Variants in KCTD16 observed in about 807,000 individuals in gnomAD.
The protein encoded by KCTD16 is potassium channel tetramerization domain containing 16.
KCTD16 carries 13 observed loss-of-function variants against 33.2 expected under a neutral mutation model. The observed-to-expected ratio is 0.39, with a 90% CI of 0.25 to 0.62. The LOEUF (loss-of-function observed/expected upper bound fraction) is 0.62. Ranked by LOEUF, KCTD16 falls within the 20% of genes least tolerant of loss-of-function variation. KCTD16 has a pLI of 0.50. For missense variants in KCTD16, 441 were observed against 525.1 expected, an observed-to-expected ratio of 0.84 and a Z score of 1.57; for synonymous variants, 197 against 195.3, an observed-to-expected ratio of 1.01 and a Z score of -0.07.
chr5:144,349,146 T>C (rs533075543), intron 3 of KCTD16, among the ~76,000 whole-genome samples: 2 of 152,310 alleles, frequency 1.3e-5, no homozygotes, highest in Admixed American at 6.5e-5. Context: ...AAATGTTTTA[T>C]ACATCTCTCC....
At chr5:144,173,520 A>T (rs1403392104) in intron 1 of KCTD16, among the ~76,000 whole-genome samples, 1 of 152,148 alleles carries the variant, frequency 6.6e-6, no homozygotes, top group African/African-American at 2.4e-5. Flanking sequence ...ACTAATAGAT[A>T]CTAGGCTTAA....
intron 3 of KCTD16, among the ~76,000 whole-genome samples, chr5:144,342,527 G>A (rs1054222379): frequency 6.6e-6 from 1 of 152,158 alleles, no homozygotes; most frequent in African/African-American, 2.4e-5. Context: ...TCTGCACACA[G>A]GGACAATTTG....
intron 2 of KCTD16, among the ~76,000 whole-genome samples, chr5:144,186,695 T>C (rs762900565): frequency 1.3e-5 from 2 of 152,214 alleles, no homozygotes; most frequent in Non-Finnish European, 2.9e-5. Flanking sequence ...TCAAGGGCAA[T>C]ATACTCTATG....
At chr5:144,431,225 A>T (rs1753452409) in intron 3 of KCTD16, among the ~76,000 whole-genome samples, 1 of 152,190 alleles carries the variant, frequency 6.6e-6, no homozygotes, top group African/African-American at 2.4e-5. Flanking sequence ...ATATCCATTT[A>T]ACATGTTTAG....
chr5:144,441,301 G>A (rs1216347917), intron 3 of KCTD16, among the ~76,000 whole-genome samples: 1 of 151,966 alleles, frequency 6.6e-6, no homozygotes, highest in Admixed American at 6.6e-5. Context: ...TGTTGCTTGT[G>A]CTTTTAGTGC....
At chr5:144,241,143 G>A (rs970154887) in intron 3 of KCTD16, among the ~76,000 whole-genome samples, 2 of 152,124 alleles carry the variant, frequency 1.3e-5, no homozygotes, top group African/African-American at 4.8e-5. Context: ...CACTCGAAGT[G>A]TCTTGAGCTT....
intron 3 of KCTD16, among the ~76,000 whole-genome samples, chr5:144,463,455 A>G (rs578122366): frequency 8.2e-6 from 1 of 121,840 alleles, no homozygotes; most frequent in South Asian, 2.6e-4. Flanking sequence ...AGGCACTGTC[A>G]TCATGCTGTG....
intron 3 of KCTD16, among the ~76,000 whole-genome samples, chr5:144,226,722 G>A (rs563733425): frequency 1.3e-5 from 2 of 152,102 alleles, no homozygotes; most frequent in East Asian, 3.9e-4. Context: ...ACAGGCATGT[G>A]CCACCACACC....
At chr5:144,309,365 A>AT (rs567599397) in intron 3 of KCTD16, among the ~76,000 whole-genome samples, 12,386 of 140,390 alleles carry the variant, frequency 0.088, 1,407 homozygotes, top group African/African-American at 0.27. Flanking sequence ...TCTCCTCCAC[A>AT]TTTTTTTTTT....
intron 3 of KCTD16, among the ~76,000 whole-genome samples, chr5:144,278,591 G>A (rs1387624440): frequency 8.4e-5 from 12 of 142,714 alleles, no homozygotes; most frequent in African/African-American, 3.2e-4. Context: ...TCCGCTTCCC[G>A]GATTCACGCC....
At chr5:144,407,770 C>T (rs1166831991) in intron 3 of KCTD16, among the ~76,000 whole-genome samples, 1 of 152,106 alleles carries the variant, frequency 6.6e-6, no homozygotes, top group East Asian at 1.9e-4. Context: ...GTTCAACTCC[C>T]TCTTATGAGT....
intron 3 of KCTD16, among the ~76,000 whole-genome samples, chr5:144,352,992 A>T (rs761808671): frequency 1.3e-5 from 2 of 152,226 alleles, no homozygotes; most frequent in Non-Finnish European, 2.9e-5. Flanking sequence ...GCTTCTAAGA[A>T]GGTAACATGC....
At position 144,454,418 on chromosome 5, in the gene KCTD16, A is replaced by G. The variant is rs74561999; in HGVS notation, c.833-19242A>G. Among the ~76,000 whole-genome samples the G allele has an allele frequency of 4.7e-3, 722 of 152,090 alleles. 5 individuals carry two copies. Among genetic ancestry groups the G allele is most frequent in the African/African-American group, 0.017 (688 of 41,416 alleles). On this transcript the variant is annotated intron_variant, in intron 3 of 3. Coordinates refer to ENST00000512467, the MANE Select transcript of KCTD16 (RefSeq NM_020768.4). ...TGTTTGTTATTACCAAGACTACACC[A>G]TTTTCCACCCCTGATAATATATACA...
At chr5:144,413,509 G>A (rs1374606365) in intron 3 of KCTD16, among the ~76,000 whole-genome samples, 2 of 151,972 alleles carry the variant, frequency 1.3e-5, no homozygotes, top group East Asian at 1.9e-4. Context: ...GTTGACTTAG[G>A]GAAAAATGTT....
intron 3 of KCTD16, among the ~76,000 whole-genome samples, chr5:144,235,245 T>A (rs1265080958): frequency 6.6e-6 from 1 of 152,154 alleles, no homozygotes; most frequent in Non-Finnish European, 1.5e-5. Flanking sequence ...TAGAGATTGA[T>A]ACTCATTAAA....
chr5:144,401,741 A>C (rs1752708993), intron 3 of KCTD16, among the ~76,000 whole-genome samples: 1 of 152,252 alleles, frequency 6.6e-6, no homozygotes, highest in Non-Finnish European at 1.5e-5. Flanking sequence ...ATTTCTAGGC[A>C]GAATATCTTG....
intron 3 of KCTD16, among the ~76,000 whole-genome samples, chr5:144,443,394 T>C (rs1371059246): frequency 6.6e-6 from 1 of 152,152 alleles, no homozygotes; most frequent in Non-Finnish European, 1.5e-5. Context: ...TTTAATAATT[T>C]CACCAGATAC....
intron 3 of KCTD16, among the ~76,000 whole-genome samples, chr5:144,472,341 A>G (rs1387625097): frequency 6.6e-6 from 1 of 152,150 alleles, no homozygotes; most frequent in African/African-American, 2.4e-5. Flanking sequence ...GTGGAAGTGG[A>G]GGGCAGTGAT....
chr5:144,327,789 C>A (rs1173142379), intron 3 of KCTD16, among the ~76,000 whole-genome samples: 1 of 152,048 alleles, frequency 6.6e-6, no homozygotes, highest in Non-Finnish European at 1.5e-5. Context: ...AAACAGCTAT[C>A]TAATAATTCC....
Sources: gnomAD v4.1 joint callset for allele counts (sites outside exome capture counted in the v4.1 genomes callset) on GRCh38, gnomAD v4.1.1 for gene constraint, MANE v1.5 for transcripts, NCBI Gene and HGNC (gene_info 2026-07-23, HGNC 2026-07-21) for gene names.